ABLIM2: variants seen among roughly 807,000 people sequenced by gnomAD.
The protein encoded by ABLIM2 is actin-binding LIM protein 2.
Under a neutral mutation model 97.7 loss-of-function variants are expected in ABLIM2, and 53 were observed. The observed-to-expected ratio is 0.54, with a 90% confidence interval of 0.44 to 0.68. The LOEUF (loss-of-function observed/expected upper bound fraction) is 0.68, where lower values mean the gene tolerates loss of function less well. Ranked by LOEUF, ABLIM2 falls within the 30% of genes least tolerant of loss-of-function variation. The pLI is 0.00. For synonymous variants in ABLIM2, 361 were observed against 345.8 expected, an observed-to-expected ratio of 1.04 and a Z score of -0.49; for missense variants, 835 against 867.2, an observed-to-expected ratio of 0.96 and a Z score of 0.47.
intron 1 of ABLIM2, among the ~76,000 whole-genome samples, chr4:8,117,302 C>T (rs1249874427): frequency 6.6e-6 from 1 of 152,204 alleles, no homozygotes; most frequent in Non-Finnish European, 1.5e-5. Context: ...TTCAGCTACC[C>T]ATTTCCAAAG....
Position 8,149,866 on chromosome 4 carries a change from C to T in ABLIM2, c.10+8814G>A, listed in dbSNP as rs372429944. On this transcript the variant is annotated intron_variant, in intron 1 of 20. Coordinates refer to ENST00000447017, the MANE Select transcript of ABLIM2 (RefSeq NM_001130083.2). This position sits in a 1 kb window ranked among gnomAD's most constrained non-coding sequence, Gnocchi z 6.4. ...CCTATGGAGTAAGACCCCACACAGC[C>T]GGTCCCTCTGTGGGACGATTCAGAG... Among the ~76,000 whole-genome samples, 14 of 152,164 alleles carry T rather than the reference C, an allele frequency of 9.2e-5. No individual in the cohort carries two copies. The highest frequency in any genetic ancestry group is 2.1e-4 in the South Asian group (1 of 4,814).
At position 8,028,807 on chromosome 4, in the gene ABLIM2, G is replaced by A. The variant is rs1001000389; in HGVS notation, c.1168+849C>T. On this transcript the variant is annotated intron_variant, in intron 11 of 20. Coordinates refer to ENST00000447017, the MANE Select transcript of ABLIM2 (RefSeq NM_001130083.2). The stretch of plus-strand genomic sequence containing the variant: ...TTTACCCACTTTCTCAACATTTATT[G>A]AGCAGAATGTACCAGGCACATTGCA... Among the ~76,000 whole-genome samples the A allele has an allele frequency of 2.0e-5, 3 of 152,268 alleles. No homozygotes were observed. The South Asian group carries it at 6.2e-4, about 32-fold the overall frequency.
chr4:8,077,916 A>G (rs931643916), intron 5 of ABLIM2, among the ~76,000 whole-genome samples, 195 bp from the exon 6 acceptor site: 11 of 152,204 alleles, frequency 7.2e-5, no homozygotes, highest in African/African-American at 2.7e-4. Flanking sequence ...TATGATGACA[A>G]TGGTCCCATT....
intron 1 of ABLIM2, among the ~76,000 whole-genome samples, chr4:8,121,074 GC>G (rs1845196826): frequency 6.6e-6 from 1 of 152,252 alleles, no homozygotes; most frequent in Non-Finnish European, 1.5e-5. Flanking sequence ...GGTGGGAAGA[GC>G]CAGAGCTGGC....
chr4:8,048,757 A>G (rs544385780), intron 8 of ABLIM2, among the ~76,000 whole-genome samples: 48 of 152,178 alleles, frequency 3.2e-4, no homozygotes, highest in African/African-American at 1.1e-3. Flanking sequence ...TAACTTTTCC[A>G]AAGGAGACCC....
intron 7 of ABLIM2, among the ~76,000 whole-genome samples, chr4:8,057,974 T>C (rs1335569328): frequency 6.6e-6 from 1 of 152,222 alleles, no homozygotes. Flanking sequence ...AGACCTGTCA[T>C]GATTCAGACT....
intron 6 of ABLIM2, among the ~76,000 whole-genome samples, chr4:8,066,363 A>AGGG: frequency 2.8e-4 from 5 of 18,164 alleles, no homozygotes; most frequent in Non-Finnish European, 4.1e-4. Flanking sequence ...GGAGGGAGGG[A>AGGG]AGGAAGGAAG....
chr4:7,983,466 G>C, intron 19 of ABLIM2, 81 bp downstream of exon 19: 1 of 1,595,890 alleles, frequency 6.3e-7, no homozygotes, highest in Non-Finnish European at 8.6e-7. Flanking sequence ...ACATTTCATA[G>C]GTAAAGCACA....
At chr4:8,119,730 AAAAC>A (rs1313959026) in intron 1 of ABLIM2, among the ~76,000 whole-genome samples, 6 of 152,208 alleles carry the variant, frequency 3.9e-5, no homozygotes, top group African/African-American at 9.6e-5. Context: ...TGTCTTTTAA[AAAAC>A]AAACAAACAA....
intron 8 of ABLIM2, among the ~76,000 whole-genome samples, chr4:8,049,661 C>T (rs1331009695): frequency 6.6e-6 from 1 of 152,230 alleles, no homozygotes; most frequent in East Asian, 1.9e-4. Flanking sequence ...CATGACAAAA[C>T]CTTACACTCC....
rs926742503 is a variant in ABLIM2 at position 7,999,201 on chromosome 4, A to T, written c.1619-6274T>A. Among the ~76,000 whole-genome samples, 2 of 152,210 alleles carry T rather than the reference A, an allele frequency of 1.3e-5. No homozygotes were observed. The highest frequency in any genetic ancestry group is 2.9e-5 in the Non-Finnish European group (2 of 68,034). ...CAGCCTCCTGAGTAGCTGGGATTAC[A>T]GGCATGTACCACTGCGCCCAGCTAA... On this transcript the variant is annotated intron_variant, in intron 16 of 20. Coordinates refer to ENST00000447017, the MANE Select transcript of ABLIM2 (RefSeq NM_001130083.2). This position sits in a 1 kb window ranked among gnomAD's most constrained non-coding sequence, Gnocchi z 4.4.
intron 1 of ABLIM2, among the ~76,000 whole-genome samples, chr4:8,144,023 G>T (rs1437998253): frequency 6.6e-6 from 1 of 152,188 alleles, no homozygotes; most frequent in Non-Finnish European, 1.5e-5. Context: ...CCTGAAAGCT[G>T]CCCCTTGGGG....
At chr4:8,051,998 C>T (rs1317679760) in intron 8 of ABLIM2, among the ~76,000 whole-genome samples, 1 of 152,080 alleles carries the variant, frequency 6.6e-6, no homozygotes, top group Non-Finnish European at 1.5e-5. Flanking sequence ...GGCTTTGGAG[C>T]CCCCCCTCCC....
intron 2 of ABLIM2, among the ~76,000 whole-genome samples, chr4:8,098,122 G>A (rs1238555679): frequency 6.6e-6 from 1 of 152,176 alleles, no homozygotes; most frequent in Non-Finnish European, 1.5e-5. Context: ...CCCAGGCCAT[G>A]CATGGTTTCA....
Position 7,983,243 on chromosome 4 carries a change from C to T in ABLIM2, c.1824+21G>A, listed in dbSNP as rs150701353. The T allele has an allele frequency of 3.3e-4, 534 of 1,600,034 alleles. 2 individuals carry two copies. The African/African-American group carries it at 6.1e-3, about 18-fold the overall frequency. ...TCTCGCATGGGAAATGAGTCCCCTG[C>T]CCCGGCAGTCCCCCGCTTACCTCCA... is the stretch of plus-strand genomic sequence containing the variant. On this transcript the variant is annotated intron_variant, in intron 20 of 20. Coordinates refer to ENST00000447017, the MANE Select transcript of ABLIM2 (RefSeq NM_001130083.2).
At chr4:8,137,219 G>A (rs576962190) in intron 1 of ABLIM2, among the ~76,000 whole-genome samples, 16 of 152,330 alleles carry the variant, frequency 1.1e-4, no homozygotes, top group African/African-American at 3.8e-4. Flanking sequence ...TTAGTCCCCA[G>A]CAGGCGCTAG....
rs908139384 is a variant in ABLIM2, at chr4:8,023,536, G to A, written c.1268-3233C>T. ...AGCAGAGCGGATCACTGGCCGTGGC[G>A]GCCTTGCTGACCGGGTCATGCTCGT... On this transcript the variant is annotated intron_variant, in intron 12 of 20. Coordinates refer to ENST00000447017, the MANE Select transcript of ABLIM2 (RefSeq NM_001130083.2). This position sits in a 1 kb window ranked among gnomAD's most constrained non-coding sequence, Gnocchi z 5.7. Among the ~76,000 whole-genome samples, 2 of 152,186 alleles carry A rather than the reference G, an allele frequency of 1.3e-5. No individual in the cohort carries two copies. Among genetic ancestry groups the A allele is most frequent in the Non-Finnish European group, 2.9e-5 (2 of 68,040 alleles).
chr4:8,030,683 G>A (rs1008949301), intron 10 of ABLIM2, among the ~76,000 whole-genome samples: 2 of 152,214 alleles, frequency 1.3e-5, no homozygotes, highest in Non-Finnish European at 2.9e-5. Flanking sequence ...AGCCCGGGGC[G>A]CACTCTCTCG....
Position 8,054,610 on chromosome 4 carries a change from G to A in ABLIM2, c.764-364C>T, listed in dbSNP as rs1327855245. Among the ~76,000 whole-genome samples the A allele has an allele frequency of 6.6e-6, 1 of 152,224 alleles. No homozygotes were observed. The highest frequency in any genetic ancestry group is 6.5e-5 in the Admixed American group (1 of 15,284). Reference sequence around the variant, plus strand: ...GTATTTGAAGGGGTTTCAAGTCCCTGCCTAGGATGTAGGATTGGCTGCCTG... The same window carrying A: ...GTATTTGAAGGGGTTTCAAGTCCCTACCTAGGATGTAGGATTGGCTGCCTG... On this transcript the variant is annotated intron_variant, in intron 7 of 20. Transcript: ENST00000447017. This position sits in a 1 kb window ranked among gnomAD's most constrained non-coding sequence, Gnocchi z 4.9.
Sources: allele counts gnomAD v4.1 joint callset (sites outside exome capture counted in the v4.1 genomes callset), GRCh38; gene constraint gnomAD v4.1.1; non-coding constraint Gnocchi (gnomAD v3.1); transcripts MANE v1.5; gene names NCBI Gene and HGNC (gene_info 2026-07-23, HGNC 2026-07-21).